The following CPNE8 variants were observed in gnomAD, a reference collection of about 807,000 sequenced individuals.
The protein encoded by CPNE8 is copine 8, also known as copine-8.
Under a neutral mutation model 81.5 loss-of-function variants are expected in CPNE8, and 45 were observed. The ratio of observed to expected loss-of-function variants is 0.55; its 90% confidence interval spans 0.44 to 0.71. The LOEUF (loss-of-function observed/expected upper bound fraction) is 0.71, where lower values mean the gene tolerates loss of function less well. Ranked by LOEUF, CPNE8 falls within the 30% of genes least tolerant of loss-of-function variation. CPNE8 has a pLI of 0.00. For synonymous variants in CPNE8, 252 were observed against 226.3 expected (o/e 1.11, Z -1.02); for missense variants, 594 against 672.1 (o/e 0.88, Z 1.28).
intron 19 of CPNE8, among the ~76,000 whole-genome samples, chr12:38,658,426 GGTGTACCTGAAA>G (rs926667034): frequency 1.3e-5 from 2 of 152,188 alleles, no homozygotes; most frequent in Non-Finnish European, 2.9e-5. Context: ...ACGTTTGATT[GGTGTACCTGAAA>G]GTGACAGGAA....
At chr12:38,887,739 T>C (rs1408163382) in intron 1 of CPNE8, among the ~76,000 whole-genome samples, 1 of 152,222 alleles carries the variant, frequency 6.6e-6, no homozygotes, top group Admixed American at 6.6e-5. Flanking sequence ...CTAACTTATC[T>C]GAACTCTCAG....
Position 38,747,076 on chromosome 12 carries a change from A to G in CPNE8, c.722+13771T>C, listed in dbSNP as rs967615976. 3.3e-5 allele frequency among the ~76,000 whole-genome samples: 5 copies of G among 152,206 alleles called. No individual in the cohort carries two copies. In the East Asian group the frequency reaches 9.6e-4, roughly 29 times the overall value. ...AATTACTCTCATCTGATCTTCACAC[A>G]CTTTTCAGAAGCAACCAGACTTTCT... On this transcript the variant is annotated intron_variant, in intron 10 of 19. Transcript: ENST00000331366.
intron 1 of CPNE8, among the ~76,000 whole-genome samples, chr12:38,881,037 C>G (rs527696227): frequency 6.6e-6 from 1 of 151,454 alleles, no homozygotes; most frequent in Non-Finnish European, 1.5e-5. Context: ...GGTGAAACCC[C>G]GTCTCTACTA....
intron 19 of CPNE8, among the ~76,000 whole-genome samples, chr12:38,667,010 A>G (rs1203453916): frequency 6.6e-6 from 1 of 152,204 alleles, no homozygotes; most frequent in Non-Finnish European, 1.5e-5. Flanking sequence ...ATATCGTTAT[A>G]CAAAAAGGAA....
At chr12:38,798,437 T>A (rs1353622771) in intron 6 of CPNE8, among the ~76,000 whole-genome samples, 1 of 151,990 alleles carries the variant, frequency 6.6e-6, no homozygotes, top group Non-Finnish European at 1.5e-5. Flanking sequence ...GAATTTCATA[T>A]CCAGCCAAAC....
chr12:38,834,143 A>C (rs1367875354), intron 5 of CPNE8, among the ~76,000 whole-genome samples: 2 of 152,128 alleles, frequency 1.3e-5, no homozygotes, highest in Non-Finnish European at 2.9e-5. Flanking sequence ...TGGCTTTTAA[A>C]ATGATCATTC....
Position 38,751,762 on chromosome 12 carries a change from T to C in CPNE8, c.722+9085A>G, listed in dbSNP as rs551927096. Among the ~76,000 whole-genome samples the C allele has an allele frequency of 5.9e-5, 9 of 152,326 alleles. No individual in the cohort carries two copies. In the East Asian group the frequency reaches 1.7e-3, roughly 29 times the overall value. ...CTCAGATGTTTTTGACAGACATGTATGAAACCTCAGGTCCACCCACTTGCC... is the reference window on the plus strand; with the variant it reads ...CTCAGATGTTTTTGACAGACATGTACGAAACCTCAGGTCCACCCACTTGCC... On this transcript the variant is annotated intron_variant, in intron 10 of 19. Transcript: ENST00000331366.
intron 1 of CPNE8, among the ~76,000 whole-genome samples, chr12:38,888,952 A>G (rs1944273571): frequency 6.6e-6 from 1 of 152,196 alleles, no homozygotes; most frequent in Non-Finnish European, 1.5e-5. Flanking sequence ...CCTTTCTTCA[A>G]CTATATATTG....
intron 1 of CPNE8, among the ~76,000 whole-genome samples, chr12:38,878,811 C>T (rs1280993115): frequency 6.6e-6 from 1 of 152,060 alleles, no homozygotes; most frequent in African/African-American, 2.4e-5. Flanking sequence ...ATGGCCAAGA[C>T]CTAACTAAGC....
At chr12:38,873,112 A>T in intron 2 of CPNE8, 62 bp from the exon 3 acceptor site, 3 of 1,000,124 alleles carry the variant, frequency 3.0e-6, no homozygotes, top group Non-Finnish European at 4.6e-6. Flanking sequence ...ATGTGAATGT[A>T]TACAATTTAT....
intron 6 of CPNE8, among the ~76,000 whole-genome samples, chr12:38,794,937 G>C (rs1044816141): frequency 2.6e-5 from 4 of 152,170 alleles, no homozygotes; most frequent in African/African-American, 4.8e-5. Context: ...AGTATGGCTA[G>C]AATAAAGCAG....
At chr12:38,758,741 A>G (rs1247848431) in intron 10 of CPNE8, among the ~76,000 whole-genome samples, 2 of 152,220 alleles carry the variant, frequency 1.3e-5, no homozygotes, top group Non-Finnish European at 2.9e-5. Flanking sequence ...TCAATAAATC[A>G]TATCCTGAAT....
rs570496858 is a variant in CPNE8 at position 38,794,634 on chromosome 12, T to A, written c.408-18333A>T. ...CATAGCCATGAGGATAACTACTATT[T>A]AAAAAAAAACTACTATAAAAAAAAA... On this transcript the variant is annotated intron_variant, in intron 6 of 19. Transcript: ENST00000331366. Among the ~76,000 whole-genome samples, 683 of 146,786 alleles carry A rather than the reference T, an allele frequency of 4.7e-3. 6 individuals carry two copies. The highest frequency in any genetic ancestry group is 0.017 in the African/African-American group (650 of 39,322).
At chr12:38,799,092 T>C (rs943947834) in intron 6 of CPNE8, among the ~76,000 whole-genome samples, 2 of 152,018 alleles carry the variant, frequency 1.3e-5, no homozygotes, top group African/African-American at 4.8e-5. Context: ...TCCCACACAA[T>C]AATAATGGGA....
At chr12:38,720,188 G>A (rs1940523877) in intron 13 of CPNE8, among the ~76,000 whole-genome samples, 1 of 152,212 alleles carries the variant, frequency 6.6e-6, no homozygotes, top group Non-Finnish European at 1.5e-5. Context: ...TGCACAGGCA[G>A]TGCTATAAGT....
At chr12:38,713,536 ATG>A (rs1222855516) in intron 13 of CPNE8, among the ~76,000 whole-genome samples, 4 of 152,138 alleles carry the variant, frequency 2.6e-5, no homozygotes, top group Non-Finnish European at 5.9e-5. Context: ...AGAGAGACAG[ATG>A]TGAGGGTTTG....
intron 13 of CPNE8, among the ~76,000 whole-genome samples, chr12:38,704,724 C>T (rs1358557659): frequency 6.6e-6 from 1 of 151,064 alleles, no homozygotes; most frequent in Non-Finnish European, 1.5e-5. Context: ...GAGTATCATG[C>T]TGCTTTTCTT....
At chr12:38,754,112 C>T (rs939964213) in intron 10 of CPNE8, among the ~76,000 whole-genome samples, 2 of 152,188 alleles carry the variant, frequency 1.3e-5, no homozygotes, top group African/African-American at 4.8e-5. Flanking sequence ...GGAAAACCTT[C>T]ATACAAATGA....
chr12:38,835,658 TA>T (rs1269225992), intron 5 of CPNE8, among the ~76,000 whole-genome samples: 6 of 152,202 alleles, frequency 3.9e-5, no homozygotes, highest in Admixed American at 3.9e-4. Context: ...CTTTATACTC[TA>T]ATGAAAGAAT....
Sources: allele counts gnomAD v4.1 joint callset (sites outside exome capture counted in the v4.1 genomes callset), GRCh38; gene constraint gnomAD v4.1.1; transcripts MANE v1.5; gene names NCBI Gene and HGNC (gene_info 2026-07-23, HGNC 2026-07-21).